GRM7: variants seen among roughly 807,000 people sequenced by gnomAD.
GRM7 encodes metabotropic glutamate receptor 7.
In GRM7, 35 loss-of-function variants were observed where a neutral mutation model predicts 84.5. That is an observed-to-expected ratio of 0.41 (90% CI 0.32 to 0.55). The LOEUF (loss-of-function observed/expected upper bound fraction) is 0.55. Among genes scored for constraint, GRM7 ranks in the 20% least tolerant of loss-of-function variants. GRM7 has a pLI of 0.19. For missense variants in GRM7, 1,003 were observed against 1,194.6 expected (o/e 0.84, Z 2.36); for synonymous variants, 487 against 455.1 (o/e 1.07, Z -0.89).
At chr3:7,099,792 A>G (rs1395669319) in intron 1 of GRM7, among the ~76,000 whole-genome samples, 2 of 96,098 alleles carry the variant, frequency 2.1e-5, no homozygotes, top group South Asian at 3.1e-4. Context: ...ATGTGCACAT[A>G]CATGTATATG....
chr3:7,060,439 A>T (rs1697397830), intron 1 of GRM7, among the ~76,000 whole-genome samples: 1 of 151,816 alleles, frequency 6.6e-6, no homozygotes, highest in Non-Finnish European at 1.5e-5. Flanking sequence ...AAAAAAACAT[A>T]TGCTGTCTTT....
At chr3:7,130,312 G>A (rs1574941576) in intron 1 of GRM7, among the ~76,000 whole-genome samples, 1 of 152,220 alleles carries the variant, frequency 6.6e-6, no homozygotes, top group African/African-American at 2.4e-5. Context: ...GGGAGACCGA[G>A]GTGGGCGAAT....
At chr3:7,182,941 C>A (rs1464557730) in intron 2 of GRM7, among the ~76,000 whole-genome samples, 1 of 119,578 alleles carries the variant, frequency 8.4e-6, no homozygotes, top group African/African-American at 3.1e-5. Context: ...TGGACTGGAA[C>A]TTTTAGTAGT....
intron 2 of GRM7, among the ~76,000 whole-genome samples, chr3:7,153,133 A>ATTTTTTTTTTTT (rs34465661): frequency 2.9e-5 from 3 of 103,386 alleles, no homozygotes; most frequent in African/African-American, 3.8e-5. Context: ...GGTACTGTGG[A>ATTTTTTTTTTTT]TTTTTTTTTT....
At chr3:6,877,625 CTTTGATAGGCCCATGAGGTAGA>C (rs1474443950) in intron 1 of GRM7, among the ~76,000 whole-genome samples, 11 of 152,028 alleles carry the variant, frequency 7.2e-5, no homozygotes, top group Admixed American at 7.2e-4. Flanking sequence ...CAAATTCGCT[CTTTGATAGGCCCATGAGGTAGA>C]TTGACATTCC....
chr3:7,085,762 A>G (rs2125002495), intron 1 of GRM7, among the ~76,000 whole-genome samples: 1 of 147,408 alleles, frequency 6.8e-6, no homozygotes, highest in Non-Finnish European at 1.5e-5. Context: ...GTGTAGCTAG[A>G]AAAATATGCA....
In GRM7 at chr3:7,572,557, C is replaced by G. The variant is rs188408003; in HGVS notation, c.1516-5865C>G. Among the ~76,000 whole-genome samples, 5 of 151,784 alleles carry G rather than the reference C, an allele frequency of 3.3e-5. No homozygotes were observed. In the South Asian group the frequency reaches 8.3e-4, roughly 25 times the overall value. ...AATGCTGGCTGGGCACAGTGGCTCA[C>G]GCCTGTAATCCCAGCGCTTTGGGAG... On this transcript the variant is annotated intron_variant, in intron 7 of 9. Coordinates refer to ENST00000357716, the MANE Select transcript of GRM7 (RefSeq NM_000844.4).
chr3:7,710,674 G>T (rs147766078), intron 9 of GRM7, among the ~76,000 whole-genome samples: 9 of 151,940 alleles, frequency 5.9e-5, no homozygotes, highest in Non-Finnish European at 1.2e-4. Flanking sequence ...GTCCTTCCCC[G>T]GTAAACTTCA....
chr3:6,868,687 T>G lies in GRM7; in HGVS notation c.519+6780T>G, dbSNP rs143484112. Among the ~76,000 whole-genome samples the G allele has an allele frequency of 3.9e-5, 6 of 152,312 alleles. No individual in the cohort carries two copies. In the East Asian group the frequency reaches 1.2e-3, roughly 29 times the overall value. ...AGTAGGGAAATCCATCATTCAGATA[T>G]ATGTGCAAAGTGAGAGGACTGTTTT... On this transcript the variant is annotated intron_variant, in intron 1 of 9. Transcript: ENST00000357716.
At chr3:7,369,179 G>A (rs370757244) in intron 4 of GRM7, among the ~76,000 whole-genome samples, 3 of 152,080 alleles carry the variant, frequency 2.0e-5, no homozygotes, top group African/African-American at 7.2e-5. Flanking sequence ...CACAGCCTCC[G>A]GAGTAGCCAG....
chr3:7,557,568 T>C (rs1175350404), intron 7 of GRM7, among the ~76,000 whole-genome samples: 4 of 152,114 alleles, frequency 2.6e-5, no homozygotes, highest in Non-Finnish European at 5.9e-5. Context: ...CTGATCAACT[T>C]CCAAGTCAGA....
At chr3:7,085,693 T>C (rs1574881484) in intron 1 of GRM7, among the ~76,000 whole-genome samples, 2 of 152,138 alleles carry the variant, frequency 1.3e-5, no homozygotes, top group African/African-American at 4.8e-5. Flanking sequence ...TAGGTAACTA[T>C]CAAGTTAAAC....
At chr3:7,071,131 C>T (rs1434285446) in intron 1 of GRM7, among the ~76,000 whole-genome samples, 2 of 152,032 alleles carry the variant, frequency 1.3e-5, no homozygotes, top group African/African-American at 2.4e-5. Flanking sequence ...GAGTCAAGCT[C>T]ATCAGGGGAT....
intron 2 of GRM7, among the ~76,000 whole-genome samples, chr3:7,164,156 C>T (rs187224795): frequency 1.2e-3 from 178 of 152,200 alleles, no homozygotes; most frequent in Middle Eastern, 3.4e-3. Flanking sequence ...GCCAGGAGTT[C>T]AAGACCAGCC....
intron 1 of GRM7, among the ~76,000 whole-genome samples, chr3:7,124,338 GCTA>G (rs1249654033): frequency 6.6e-6 from 1 of 152,104 alleles, no homozygotes; most frequent in Non-Finnish European, 1.5e-5. Context: ...ACAGAGTAGA[GCTA>G]CTAAAAATAC....
intron 1 of GRM7, among the ~76,000 whole-genome samples, chr3:7,117,332 A>T (rs1574926281): frequency 1.3e-5 from 2 of 152,304 alleles, no homozygotes; most frequent in South Asian, 4.1e-4. Flanking sequence ...GAAAAGAGCA[A>T]ATAATACAGG....
chr3:7,595,990 C>A (rs933592810), intron 8 of GRM7, among the ~76,000 whole-genome samples: 2 of 152,122 alleles, frequency 1.3e-5, no homozygotes, highest in Admixed American at 6.5e-5. Flanking sequence ...AGAACAGACT[C>A]TAGGGGTGAA....
intron 1 of GRM7, among the ~76,000 whole-genome samples, chr3:6,975,838 CTTA>C (rs1693970208): frequency 1.3e-5 from 2 of 152,040 alleles, no homozygotes; most frequent in Non-Finnish European, 2.9e-5. Flanking sequence ...TTAAGTGCCT[CTTA>C]TTATTTAATT....
intron 1 of GRM7, among the ~76,000 whole-genome samples, chr3:6,936,164 T>C (rs962675424): frequency 1.3e-5 from 2 of 152,188 alleles, no homozygotes; most frequent in African/African-American, 2.4e-5. Flanking sequence ...CTGTCTCAGC[T>C]CTGAGGTCTC....
Sources: gnomAD v4.1 joint callset for allele counts (sites outside exome capture counted in the v4.1 genomes callset) on GRCh38, gnomAD v4.1.1 for gene constraint, MANE v1.5 for transcripts, NCBI Gene and HGNC (gene_info 2026-07-23, HGNC 2026-07-21) for gene names.